The following GLIS3 variants were observed in gnomAD, a reference collection of about 807,000 sequenced individuals.
The protein encoded by GLIS3 is zinc finger protein GLIS3.
GLIS3 carries 53 observed loss-of-function variants against 78.6 expected under a neutral mutation model. The observed-to-expected ratio is 0.67, with a 90% CI of 0.54 to 0.85. The LOEUF is 0.85. Ranked by LOEUF, GLIS3 falls within the 40% of genes least tolerant of loss-of-function variation. The pLI, the probability that GLIS3 is intolerant of heterozygous loss-of-function variation, is 0.00. For synonymous variants in GLIS3, 684 were observed against 509.9 expected (o/e 1.34, Z -4.60); for missense variants, 1,703 against 1,231.1 (o/e 1.38, Z -5.74).
chr9:3,826,705 C>T lies in GLIS3; in HGVS notation c.*1567G>A, dbSNP rs1436206899. On this transcript the variant is annotated 3_prime_UTR_variant, in exon 11 of 11. Transcript: ENST00000381971. Reference sequence around the variant, plus strand: ...GAGACTGGAAGGACCTGTCAGTATACAAACTGTCACAGAATCCCATCTAAC... The same window carrying T: ...GAGACTGGAAGGACCTGTCAGTATATAAACTGTCACAGAATCCCATCTAAC... 6.6e-6 allele frequency: 1 copy of T among 152,220 alleles called. No homozygotes were observed. Among genetic ancestry groups the T allele is most frequent in the Non-Finnish European group, 1.5e-5 (1 of 68,036 alleles). 9.4% of individuals were successfully genotyped at this position (152,220 alleles called of 1,614,324 possible).
intron 9 of GLIS3, among the ~76,000 whole-genome samples, chr9:3,842,590 T>C (rs1461253986): frequency 1.3e-5 from 2 of 152,154 alleles, no homozygotes; most frequent in African/African-American, 4.8e-5. Flanking sequence ...TGAGAGGGCA[T>C]TGAGCCCTAC....
At chr9:4,386,752 A>G in the GLIS3 span, among the ~76,000 whole-genome samples, 1 of 152,222 alleles carries the variant, frequency 6.6e-6, no homozygotes, top group African/African-American at 2.4e-5. Flanking sequence ...ACTTGGCTCT[A>G]TTCCCAATGG....
intron 7 of GLIS3, among the ~76,000 whole-genome samples, chr9:3,894,559 T>A (rs1484190239): frequency 6.6e-6 from 1 of 152,220 alleles, no homozygotes; most frequent in Non-Finnish European, 1.5e-5. Context: ...TTTTATATGG[T>A]GCTATTTCTT....
At chr9:3,986,794 C>T (rs1819773631) in intron 4 of GLIS3, among the ~76,000 whole-genome samples, 2 of 152,254 alleles carry the variant, frequency 1.3e-5, no homozygotes, top group African/African-American at 4.8e-5. Context: ...CTTGGAAGCA[C>T]AGCCCACTAA....
At chr9:4,029,783 A>T (rs1281927134) in intron 4 of GLIS3, among the ~76,000 whole-genome samples, 1 of 151,962 alleles carries the variant, frequency 6.6e-6, no homozygotes, top group Non-Finnish European at 1.5e-5. Flanking sequence ...AAATGACTGG[A>T]TCTCATTCTT....
At chr9:4,437,570 G>C in the GLIS3 span, among the ~76,000 whole-genome samples, 1 of 152,144 alleles carries the variant, frequency 6.6e-6, no homozygotes. Context: ...TTTGGCAGCT[G>C]GCCCAAAGTC....
At position 3,984,774 on chromosome 9, in the gene GLIS3, T is replaced by A. The variant is rs116884455; in HGVS notation, c.1711-47585A>T. On this transcript the variant is annotated intron_variant, in intron 4 of 10. Coordinates refer to ENST00000381971, the MANE Select transcript of GLIS3 (RefSeq NM_001042413.2). Reference sequence around the variant, plus strand: ...TCATCTTGAATGGTAACTCCCATAATTCCCACATGTTTCAGGAGGAACCCA... The same window carrying A: ...TCATCTTGAATGGTAACTCCCATAAATCCCACATGTTTCAGGAGGAACCCA... 8.2e-3 allele frequency among the ~76,000 whole-genome samples: 1,249 copies of A among 152,280 alleles called. 7 individuals carry two copies. The highest frequency in any genetic ancestry group is 0.013 in the Non-Finnish European group (888 of 67,998).
At chr9:4,020,306 GT>G (rs1439434089) in intron 4 of GLIS3, among the ~76,000 whole-genome samples, 8 of 151,914 alleles carry the variant, frequency 5.3e-5, no homozygotes. Context: ...TGTTTTTTTT[GT>G]TTTGTTTTGT....
intron 8 of GLIS3, among the ~76,000 whole-genome samples, chr9:3,870,792 A>G (rs1230327293): frequency 1.3e-5 from 2 of 152,220 alleles, no homozygotes; most frequent in Admixed American, 6.5e-5. Flanking sequence ...GAGCCAAACC[A>G]TATAATTCCA....
At chr9:3,837,540 C>T (rs189001801) in intron 9 of GLIS3, among the ~76,000 whole-genome samples, 28 of 152,134 alleles carry the variant, frequency 1.8e-4, no homozygotes, top group East Asian at 1.7e-3. Context: ...AGTAGGCAAA[C>T]GAATAAATAA....
chr9:3,984,577 T>C (rs1277304015), intron 4 of GLIS3, among the ~76,000 whole-genome samples: 1 of 152,184 alleles, frequency 6.6e-6, no homozygotes, highest in African/African-American at 2.4e-5. Context: ...GGAAAGGACT[T>C]GCCTTGTCTC....
At chr9:4,290,730 C>A (rs748528500) in intron 1 of GLIS3, among the ~76,000 whole-genome samples, 1 of 152,084 alleles carries the variant, frequency 6.6e-6, no homozygotes, top group Non-Finnish European at 1.5e-5. Flanking sequence ...AAACCAATCA[C>A]GTAAGTCATT....
chr9:4,024,642 G>A (rs879402722), intron 4 of GLIS3, among the ~76,000 whole-genome samples: 1 of 152,180 alleles, frequency 6.6e-6, no homozygotes, highest in African/African-American at 2.4e-5. Context: ...CATGGGAGGA[G>A]GTCTGCTCTT....
chr9:4,397,882 A>C, the GLIS3 span, among the ~76,000 whole-genome samples: 5 of 151,954 alleles, frequency 3.3e-5, no homozygotes, highest in East Asian at 7.7e-4. Flanking sequence ...GCATACTGTC[A>C]AGCAAACAAC....
chr9:4,345,152 A>C (rs1817882421), intron 2 of GLIS3, among the ~76,000 whole-genome samples: 1 of 152,056 alleles, frequency 6.6e-6, no homozygotes, highest in African/African-American at 2.4e-5. Flanking sequence ...GATCCTACAC[A>C]ATCTGACTCA....
At chr9:3,855,787 T>C in intron 9 of GLIS3, 1 of 553,264 alleles carries the variant, frequency 1.8e-6, no homozygotes. Context: ...CAACTTGAGC[T>C]GACCAGTGCG....
intron 6 of GLIS3, among the ~76,000 whole-genome samples, chr9:3,905,266 A>AG (rs1234300444): frequency 1.3e-5 from 2 of 150,186 alleles, no homozygotes; most frequent in Non-Finnish European, 2.9e-5. Context: ...CTGGGATTAC[A>AG]GGCATGAGCC....
At chr9:4,440,744 C>T in the GLIS3 span, among the ~76,000 whole-genome samples, 3 of 152,104 alleles carry the variant, frequency 2.0e-5, no homozygotes, top group African/African-American at 4.8e-5. Flanking sequence ...TAGATCACTT[C>T]AGGTAATATG....
the GLIS3 span, among the ~76,000 whole-genome samples, chr9:4,480,196 C>CTTTT: frequency 7.5e-6 from 1 of 133,370 alleles, no homozygotes; most frequent in African/African-American, 3.0e-5. Flanking sequence ...CCAGGCTGGG[C>CTTTT]TTTCTTTTTT....
Sources: allele counts gnomAD v4.1 joint callset (sites outside exome capture counted in the v4.1 genomes callset), GRCh38; gene constraint gnomAD v4.1.1; transcripts MANE v1.5; gene names NCBI Gene and HGNC (gene_info 2026-07-23, HGNC 2026-07-21).